SLC39A10: variants seen among roughly 807,000 people sequenced by gnomAD.
SLC39A10 encodes zinc transporter ZIP10.
Under a neutral mutation model 65.1 loss-of-function variants are expected in SLC39A10, and 13 were observed. The observed-to-expected ratio is 0.20, with a 90% confidence interval of 0.13 to 0.32. SLC39A10 has a LOEUF of 0.32. Among genes scored for constraint, SLC39A10 ranks in the 10% least tolerant of loss-of-function variants. The pLI is 1.00. For synonymous variants in SLC39A10, 321 were observed against 342.2 expected (o/e 0.94, Z 0.68); for missense variants, 831 against 1,018.4 (o/e 0.82, Z 2.50).
chr2:195,655,332 C>T (rs751992803), upstream of SLC39A10, among the ~76,000 whole-genome samples: 1 of 152,194 alleles, frequency 6.6e-6, no homozygotes, highest in African/African-American at 2.4e-5. Flanking sequence ...ACCAGCTGAA[C>T]ATTAGCCTTG....
intron 2 of SLC39A10, among the ~76,000 whole-genome samples, chr2:195,637,216 C>T (rs1574209853): frequency 6.6e-6 from 1 of 152,170 alleles, no homozygotes; most frequent in East Asian, 1.9e-4. Context: ...CTGCAATGCT[C>T]CTGGGCTGCC....
chr2:195,643,288 T>C (rs1208962793), intron 2 of SLC39A10, among the ~76,000 whole-genome samples: 1 of 152,116 alleles, frequency 6.6e-6, no homozygotes, highest in Non-Finnish European at 1.5e-5. Flanking sequence ...AACAAGTGGG[T>C]CAAATTAGTG....
At chr2:195,689,980 C>A (rs1463758798) in intron 3 of SLC39A10, among the ~76,000 whole-genome samples, 1 of 151,898 alleles carries the variant, frequency 6.6e-6, no homozygotes, top group Non-Finnish European at 1.5e-5. Flanking sequence ...AGTTCGAGAC[C>A]AGCCTGACCA....
intron 1 of SLC39A10, among the ~76,000 whole-genome samples, chr2:195,659,741 C>T (rs1689308609): frequency 6.6e-6 from 1 of 152,144 alleles, no homozygotes; most frequent in Admixed American, 6.5e-5. Flanking sequence ...TAACTGTGAC[C>T]ATTAAATGAG....
chr2:195,616,314 G>GATTGATTGATTT, intron 2 of SLC39A10, among the ~76,000 whole-genome samples: 1 of 151,860 alleles, frequency 6.6e-6, no homozygotes, highest in Non-Finnish European at 1.5e-5. Context: ...TTGATTGATT[G>GATTGATTGATTT]ATTGATTTTT....
At chr2:195,619,360 G>C (rs1257140481) in intron 2 of SLC39A10, among the ~76,000 whole-genome samples, 4 of 152,226 alleles carry the variant, frequency 2.6e-5, no homozygotes, top group Non-Finnish European at 5.9e-5. Flanking sequence ...TTTCTAGCTT[G>C]TGCATGTGGT....
intron 2 of SLC39A10, among the ~76,000 whole-genome samples, chr2:195,614,410 C>A (rs1385369448): frequency 6.6e-6 from 1 of 151,996 alleles, no homozygotes; most frequent in African/African-American, 2.4e-5. Flanking sequence ...GCATTCCGAG[C>A]CCTCCACACT....
intron 7 of SLC39A10, 143 bp downstream of exon 7, chr2:195,717,148 GTTGT>G: frequency 3.5e-6 from 4 of 1,141,620 alleles, no homozygotes; most frequent in Non-Finnish European, 4.9e-6. Flanking sequence ...TTTGTGTTCA[GTTGT>G]TACATTTGGA....
intron 1 of SLC39A10, 192 bp downstream of exon 1, chr2:195,657,473 C>G: frequency 1.0e-6 from 1 of 985,866 alleles, no homozygotes; most frequent in Non-Finnish European, 1.2e-6. Flanking sequence ...CCAGCCGAAG[C>G]AGAGCGCGTG....
intron 1 of SLC39A10, among the ~76,000 whole-genome samples, chr2:195,660,205 A>T (rs1480320771): frequency 1.3e-5 from 2 of 152,184 alleles, no homozygotes; most frequent in Non-Finnish European, 2.9e-5. Flanking sequence ...GCTTGTGTTT[A>T]TATAGTGCTT....
At chr2:195,637,951 A>C (rs1042981938) in intron 2 of SLC39A10, among the ~76,000 whole-genome samples, 3 of 152,204 alleles carry the variant, frequency 2.0e-5, no homozygotes, top group African/African-American at 7.2e-5. Context: ...CACTTAAGAG[A>C]TGGGAAGAAG....
chr2:195,695,638 A>G (rs150222163), intron 3 of SLC39A10, among the ~76,000 whole-genome samples: 13 of 152,244 alleles, frequency 8.5e-5, no homozygotes, highest in Admixed American at 4.6e-4. Flanking sequence ...GCTTTTTGGT[A>G]TGTTGCTGTG....
intron 3 of SLC39A10, among the ~76,000 whole-genome samples, chr2:195,690,958 A>G (rs1168605608): frequency 6.6e-6 from 1 of 152,088 alleles, no homozygotes; most frequent in Admixed American, 6.6e-5. Flanking sequence ...CCATCACCCA[A>G]CCAGTGTATA....
chr2:195,694,539 G>C (rs947901611), intron 3 of SLC39A10, among the ~76,000 whole-genome samples: 1 of 152,178 alleles, frequency 6.6e-6, no homozygotes, highest in Admixed American at 6.5e-5. Flanking sequence ...CCATCCAGCA[G>C]AGAGCTACTG....
chr2:195,724,992 A>G (rs1692184141), intron 8 of SLC39A10, among the ~76,000 whole-genome samples: 2 of 152,156 alleles, frequency 1.3e-5, no homozygotes, highest in African/African-American at 4.8e-5. Flanking sequence ...TTAATCTTCA[A>G]CAAAAGTACA....
intron 3 of SLC39A10, among the ~76,000 whole-genome samples, chr2:195,692,178 T>A (rs1258220400): frequency 6.6e-6 from 1 of 152,192 alleles, no homozygotes; most frequent in Non-Finnish European, 1.5e-5. Flanking sequence ...TATTTCTGGT[T>A]TCTCTATTCT....
rs371145613 is a variant in SLC39A10, at chr2:195,711,533, G to A, written c.1576-1900G>A. 2.7e-3 allele frequency among the ~76,000 whole-genome samples: 409 copies of A among 152,280 alleles called. 2 individuals are homozygous for A. The highest frequency in any genetic ancestry group is 9.5e-3 in the African/African-American group (395 of 41,562). On this transcript the variant is annotated intron_variant, in intron 5 of 9. Transcript: ENST00000359634. The stretch of plus-strand genomic sequence containing the variant: ...TCTGGCCAGATAAGTCAGGGCATCT[G>A]CTTTATGGTAAATAGGACAATAAGT...
At chr2:195,709,424 GT>G (rs775795331) in intron 5 of SLC39A10, among the ~76,000 whole-genome samples, 6 of 152,058 alleles carry the variant, frequency 3.9e-5, no homozygotes, top group Non-Finnish European at 8.8e-5. Flanking sequence ...TAGAGACAGG[GT>G]TTTGCCATGT....
chr2:195,629,432 C>T (rs1213093464), intron 2 of SLC39A10, among the ~76,000 whole-genome samples: 1 of 151,860 alleles, frequency 6.6e-6, no homozygotes, highest in African/African-American at 2.4e-5. Context: ...GACCTTCAAC[C>T]CACCCCCACA....
Sources: allele counts gnomAD v4.1 joint callset (sites outside exome capture counted in the v4.1 genomes callset), GRCh38; gene constraint gnomAD v4.1.1; transcripts MANE v1.5; gene names NCBI Gene and HGNC (gene_info 2026-07-23, HGNC 2026-07-21).